The following SNX1 variants were observed in gnomAD, a reference collection of about 807,000 sequenced individuals.
The protein encoded by SNX1 is sorting nexin 1.
SNX1 carries 36 observed loss-of-function variants against 71.8 expected under a neutral mutation model. That is an observed-to-expected ratio of 0.50 (90% CI 0.38 to 0.66). SNX1 has a LOEUF of 0.66. Among genes scored for constraint, SNX1 ranks in the 30% least tolerant of loss-of-function variants. The pLI, the probability that SNX1 is intolerant of heterozygous loss-of-function variation, is 0.00. For synonymous variants in SNX1, 254 were observed against 240.7 expected, an observed-to-expected ratio of 1.06 and a Z score of -0.51; for missense variants, 612 against 646.7, an observed-to-expected ratio of 0.95 and a Z score of 0.58.
intron 1 of SNX1, among the ~76,000 whole-genome samples, chr15:64,107,316 A>C (rs1414311802): frequency 6.6e-6 from 1 of 152,208 alleles, no homozygotes; most frequent in African/African-American, 2.4e-5. Flanking sequence ...ACTGTAATGT[A>C]AGGGTTCTGT....
chr15:64,108,053 CG>C, intron 1 of SNX1, among the ~76,000 whole-genome samples: 1 of 151,944 alleles, frequency 6.6e-6, no homozygotes, highest in South Asian at 2.1e-4. Context: ...ATTAGCCCGG[CG>C]TAGTGGTGGG....
In SNX1 at chr15:64,136,878, C is replaced by A. The variant is rs772488105; in HGVS notation, c.1464C>A (p.Asp488Glu). 48 of 1,613,654 alleles carry A rather than the reference C, an allele frequency of 3.0e-5. No individual in the cohort carries two copies. The highest frequency in any genetic ancestry group is 4.1e-5 in the Non-Finnish European group (48 of 1,179,772). The change falls in exon 14 of 15, where the codon GAC (aspartate) becomes GAA (glutamate). Residue 488 changes from aspartate to glutamate, a missense_variant. Physicochemically the swap from Asp to Glu is conservative, Grantham distance 45. Around this residue, in one of 2 missense-constraint regions of SNX1, gnomAD observed 296 missense variants for 361.9 expected, o/e 0.82. Coordinates refer to ENST00000559844, the MANE Select transcript of SNX1 (RefSeq NM_003099.5). ...VIRFEKEKSK[D>E]FKNHVIKYLE... ...TCTCCTAGAAAGAGAAATCCAAGGACTTCAAGAACCACGTGATCAAGTACC... is the reference window on the plus strand; with the variant it reads ...TCTCCTAGAAAGAGAAATCCAAGGAATTCAAGAACCACGTGATCAAGTACC...
At chr15:64,111,692 A>C (rs1346032134) in intron 1 of SNX1, 2 of 152,208 alleles carry the variant, frequency 1.3e-5, no homozygotes, top group African/African-American at 4.8e-5. Flanking sequence ...CAAGGAACAA[A>C]TTCCCTCAGA....
intron 11 of SNX1, 133 bp downstream of exon 11, chr15:64,132,025 A>C (rs1567331740): frequency 2.3e-6 from 2 of 872,762 alleles, no homozygotes; most frequent in East Asian, 5.2e-5. Context: ...TTAAGAGGAA[A>C]GGTATCCTGT....
intron 1 of SNX1, among the ~76,000 whole-genome samples, 178 bp from the exon 2 acceptor site, chr15:64,112,395 A>T (rs563231332): frequency 6.6e-6 from 1 of 152,320 alleles, no homozygotes; most frequent in East Asian, 1.9e-4. Flanking sequence ...CCTAAAATGT[A>T]TGGACTTATT....
intron 1 of SNX1, among the ~76,000 whole-genome samples, chr15:64,101,825 C>A (rs113970925): frequency 6.6e-6 from 1 of 152,158 alleles, no homozygotes; most frequent in African/African-American, 2.4e-5. Context: ...TTCTGCAGCC[C>A]TGTAGAGTGA....
At chr15:64,118,546 C>T (rs1238972070) in intron 3 of SNX1, among the ~76,000 whole-genome samples, 1 of 152,176 alleles carries the variant, frequency 6.6e-6, no homozygotes, top group African/African-American at 2.4e-5. Flanking sequence ...CTTTCTAAAT[C>T]TGGCAGTTAT....
chr15:64,104,963 G>A (rs1165201248), intron 1 of SNX1, among the ~76,000 whole-genome samples: 2 of 148,394 alleles, frequency 1.3e-5, no homozygotes, highest in Admixed American at 6.7e-5. Context: ...GGCCGGGCAC[G>A]GTGGCTCACG....
rs148796526 is a variant in SNX1 at position 64,109,074 on chromosome 15, A to T, written c.160-3499A>T. 8.6e-5 allele frequency among the ~76,000 whole-genome samples: 13 copies of T among 151,878 alleles called. No homozygotes were observed. In the East Asian group the frequency reaches 2.5e-3, roughly 29 times the overall value. On this transcript the variant is annotated intron_variant, in intron 1 of 14. Coordinates refer to ENST00000559844, the MANE Select transcript of SNX1 (RefSeq NM_003099.5). ...AAGGGTTAACATACTTCTGTGTAAGAAAAATGCAGACCTAGGGTAGGCGCA... is the reference window on the plus strand; with the variant it reads ...AAGGGTTAACATACTTCTGTGTAAGTAAAATGCAGACCTAGGGTAGGCGCA...
In SNX1 at chr15:64,116,501, C is replaced by G. The variant is rs151208098; in HGVS notation, c.272-1616C>G. ...TTTCATTTCTAACAGTGTGGCACCCCTGTTTGCAGACTTGATTCACATTTA... is the reference window on the plus strand; with the variant it reads ...TTTCATTTCTAACAGTGTGGCACCCGTGTTTGCAGACTTGATTCACATTTA... On this transcript the variant is annotated intron_variant, in intron 2 of 14. Transcript: ENST00000559844. Among the ~76,000 whole-genome samples, 10 of 152,312 alleles carry G rather than the reference C, an allele frequency of 6.6e-5. No individual in the cohort carries two copies. The East Asian group carries it at 1.7e-3, about 26-fold the overall frequency.
chr15:64,127,572 T>C (rs2140154256), intron 7 of SNX1, among the ~76,000 whole-genome samples, 159 bp from the exon 8 acceptor site: 1 of 152,312 alleles, frequency 6.6e-6, no homozygotes, highest in East Asian at 1.9e-4. Flanking sequence ...AATGTGAACT[T>C]GAATATGCTT....
intron 10 of SNX1, among the ~76,000 whole-genome samples, chr15:64,130,701 G>C (rs891561463): frequency 6.6e-6 from 1 of 152,182 alleles, no homozygotes; most frequent in Non-Finnish European, 1.5e-5. Context: ...TAATCCTTCT[G>C]CATCTCTCTT....
At chr15:64,115,733 T>G in intron 2 of SNX1, 1 of 166,046 alleles carries the variant, frequency 6.0e-6, no homozygotes, top group Non-Finnish European at 1.3e-5. Flanking sequence ...CTGTTAATAT[T>G]CGCATGTTTG....
intron 13 of SNX1, among the ~76,000 whole-genome samples, 196 bp from the exon 14 acceptor site, chr15:64,136,665 T>C (rs1033743797): frequency 2.6e-5 from 4 of 152,002 alleles, no homozygotes; most frequent in Non-Finnish European, 4.4e-5. Flanking sequence ...TCGTTTCTCC[T>C]CCACTTCCCA....
intron 1 of SNX1, among the ~76,000 whole-genome samples, chr15:64,101,096 T>C (rs1382894460): frequency 6.6e-6 from 1 of 152,190 alleles, no homozygotes; most frequent in Non-Finnish European, 1.5e-5. Flanking sequence ...GTCACCACGC[T>C]TGGCCCAAAA....
intron 1 of SNX1, among the ~76,000 whole-genome samples, chr15:64,108,519 G>A (rs577219863): frequency 2.0e-5 from 3 of 152,142 alleles, no homozygotes; most frequent in South Asian, 2.1e-4. Flanking sequence ...TACCATGAAC[G>A]TGAGTCCATT....
Position 64,120,589 on chromosome 15 carries a change from A to G in SNX1, c.466+1735A>G, listed in dbSNP as rs2081187126. Reference sequence around the variant, plus strand: ...CAGTTTGGAAGGCCAAGGCAGGAGGATCACTTGAACCCAGGAGTTCAGGAC... The same window carrying G: ...CAGTTTGGAAGGCCAAGGCAGGAGGGTCACTTGAACCCAGGAGTTCAGGAC... On this transcript the variant is annotated intron_variant, in intron 4 of 14. Coordinates refer to ENST00000559844, the MANE Select transcript of SNX1 (RefSeq NM_003099.5). 2.6e-5 allele frequency among the ~76,000 whole-genome samples: 4 copies of G among 152,144 alleles called. No homozygotes were observed. The South Asian group carries it at 8.3e-4, about 32-fold the overall frequency.
intron 5 of SNX1, among the ~76,000 whole-genome samples, chr15:64,124,078 C>A (rs1220992677): frequency 1.4e-5 from 2 of 148,008 alleles, no homozygotes; most frequent in Non-Finnish European, 3.0e-5. Context: ...CCATCATATC[C>A]CCTGCCTCAT....
Position 64,127,219 on chromosome 15 carries a change from A to G in SNX1, c.698A>G (p.Glu233Gly). 1 of 1,613,928 alleles carries G rather than the reference A, an allele frequency of 6.2e-7. No individual in the cohort carries two copies. Among genetic ancestry groups the G allele is most frequent in the Non-Finnish European group, 8.5e-7 (1 of 1,179,888 alleles). The change falls in exon 7 of 15, where the codon GAA becomes GGA. Residue 233 changes from glutamate to glycine, a missense_variant. Physicochemically the swap from Glu to Gly is moderately conservative, Grantham distance 98. Coordinates refer to ENST00000559844, the MANE Select transcript of SNX1 (RefSeq NM_003099.5). ...GGGAAGGAAGATTCTTCTTCTGCAGAATTTCTTGAAAAACGGAGGGCCGCT... is the reference window on the plus strand; with the variant it reads ...GGGAAGGAAGATTCTTCTTCTGCAGGATTTCTTGAAAAACGGAGGGCCGCT... ...KVGKEDSSSA[E>G]FLEKRRAALE... is the part of the protein sequence containing the mutation.
Sources: allele counts gnomAD v4.1 joint callset (sites outside exome capture counted in the v4.1 genomes callset), GRCh38; gene constraint gnomAD v4.1.1; regional missense constraint gnomAD v4.1.1; transcripts MANE v1.5; gene names NCBI Gene and HGNC (gene_info 2026-07-23, HGNC 2026-07-21).